The following PCDHA3 variants were observed in gnomAD, a reference collection of about 807,000 sequenced individuals.
PCDHA3 encodes protocadherin alpha 3.
Under a neutral mutation model 62.2 loss-of-function variants are expected in PCDHA3, and 41 were observed. The ratio of observed to expected loss-of-function variants is 0.66; its 90% CI spans 0.51 to 0.86. PCDHA3 has a LOEUF of 0.86. PCDHA3 is among the 40% of genes least tolerant of loss of function. The pLI, the probability that PCDHA3 is intolerant of heterozygous loss-of-function variation, is 0.00. For missense variants in PCDHA3, 1,304 were observed against 1,241.2 expected (o/e 1.05, Z -0.76); for synonymous variants, 640 against 555.4 (o/e 1.15, Z -2.14).
At chr5:140,965,911 G>C (rs1476309026) in intron 1 of PCDHA3, among the ~76,000 whole-genome samples, 1 of 152,206 alleles carries the variant, frequency 6.6e-6, no homozygotes, top group African/African-American at 2.4e-5. Context: ...CCAGGATGCT[G>C]GTTTTAGGCT....
chr5:140,944,451 T>C (rs6878788), intron 1 of PCDHA3, among the ~76,000 whole-genome samples: 8,488 of 152,228 alleles, frequency 0.056, 701 homozygotes, highest in African/African-American at 0.18. Flanking sequence ...CCTCCCAAAG[T>C]GCTGGGATTA....
chr5:140,928,585 G>T, intron 1 of PCDHA3: 1 of 1,614,194 alleles, frequency 6.2e-7, no homozygotes, highest in Non-Finnish European at 8.5e-7. Context: ...AAATGGTTCT[G>T]TCCCAGTGGA....
intron 1 of PCDHA3, chr5:140,843,355 G>T (rs1554139992): frequency 1.9e-6 from 3 of 1,596,010 alleles, no homozygotes; most frequent in Admixed American, 1.7e-5. Context: ...CTCCAAAAGC[G>T]TCATCGAGGC....
chr5:140,972,201 G>A (rs1554233905), intron 1 of PCDHA3, among the ~76,000 whole-genome samples: 1 of 152,058 alleles, frequency 6.6e-6, no homozygotes, highest in African/African-American at 2.4e-5. Flanking sequence ...GAGTATAGGT[G>A]TGAATATGGC....
At chr5:140,979,937 A>G (rs563499415) in intron 2 of PCDHA3, among the ~76,000 whole-genome samples, 1 of 152,388 alleles carries the variant, frequency 6.6e-6, no homozygotes, top group African/African-American at 2.4e-5. Context: ...GTATGTGTAG[A>G]GTTAATGTGA....
intron 1 of PCDHA3, chr5:140,854,088 G>A (rs1262177028): frequency 3.8e-6 from 1 of 266,394 alleles, no homozygotes; most frequent in African/African-American, 2.4e-5. Context: ...CTTGAGCCTG[G>A]GACATTGAGG....
chr5:140,900,831 T>G (rs1554189475), intron 1 of PCDHA3, among the ~76,000 whole-genome samples: 1 of 152,198 alleles, frequency 6.6e-6, no homozygotes, highest in Non-Finnish European at 1.5e-5. Context: ...CCACCAACAA[T>G]GTACAAAGTT....
intron 1 of PCDHA3, chr5:140,969,117 A>C (rs1554231477): frequency 6.2e-7 from 1 of 1,614,178 alleles, no homozygotes; most frequent in Admixed American, 1.7e-5. Flanking sequence ...GTTCGAGGGA[A>C]TGGCTCCCTC....
intron 1 of PCDHA3, chr5:140,814,137 A>C (rs1765440922): frequency 6.5e-6 from 1 of 153,288 alleles, no homozygotes; most frequent in Non-Finnish European, 1.5e-5. Flanking sequence ...CAGCTGTACA[A>C]AAATATTTTC....
intron 1 of PCDHA3, chr5:140,967,968 G>A: frequency 3.1e-6 from 5 of 1,614,218 alleles, no homozygotes; most frequent in Non-Finnish European, 4.2e-6. Flanking sequence ...CGGAAAGTGA[G>A]CCTGGGTCTG....
In PCDHA3 at chr5:140,857,269, G is replaced by T. The variant is rs375802816; in HGVS notation, c.2394+53678G>T. 8.1e-6 allele frequency: 13 copies of T among 1,598,726 alleles called. 1 individual carries two copies. The highest frequency in any genetic ancestry group is 1.1e-5 in the South Asian group (1 of 90,558). On this transcript the variant is annotated intron_variant, in intron 1 of 3. Coordinates refer to ENST00000522353, the MANE Select transcript of PCDHA3 (RefSeq NM_018906.3). ...CCTACAAGAATTACTACTCATTGGT[G>T]CTGGACAGCGCTCTGGACCGCGAGA... is the stretch of plus-strand genomic sequence containing the variant.
chr5:140,984,426 G>A (rs781888913), intron 3 of PCDHA3, among the ~76,000 whole-genome samples: 2 of 152,160 alleles, frequency 1.3e-5, no homozygotes, highest in South Asian at 2.1e-4. Flanking sequence ...AGATAGAGAA[G>A]GGGATCTCCC....
chr5:140,843,337 C>A lies in PCDHA3; in HGVS notation c.2394+39746C>A, dbSNP rs2150357766. On this transcript the variant is annotated intron_variant, in intron 1 of 3. Coordinates refer to ENST00000522353, the MANE Select transcript of PCDHA3 (RefSeq NM_018906.3). ...CGGTTCTGGTGTCGCTGGTGGAGAGCGGCCAGGCTCCAAAAGCGTCATCGA... is the reference window on the plus strand; with the variant it reads ...CGGTTCTGGTGTCGCTGGTGGAGAGAGGCCAGGCTCCAAAAGCGTCATCGA... 16 of 1,596,000 alleles carry A rather than the reference C, an allele frequency of 1.0e-5. 3 individuals carry two copies. Among genetic ancestry groups the A allele is most frequent in the Non-Finnish European group, 1.2e-5 (14 of 1,165,568 alleles).
intron 1 of PCDHA3, chr5:140,968,888 CTAA>C: frequency 6.2e-7 from 1 of 1,614,210 alleles, no homozygotes; most frequent in Non-Finnish European, 8.5e-7. Context: ...TACCCTTTAT[CTAA>C]TAATAGCATT....
At chr5:141,007,395 CAAAAA>C (rs35800918) in intron 3 of PCDHA3, among the ~76,000 whole-genome samples, 1 of 94,866 alleles carries the variant, frequency 1.1e-5, no homozygotes, top group Non-Finnish European at 2.1e-5. Flanking sequence ...TACTAAAATA[CAAAAA>C]AAAAAAAAAA....
At chr5:140,877,417 G>T (rs782190793) in intron 1 of PCDHA3, 5 of 1,613,822 alleles carry the variant, frequency 3.1e-6, no homozygotes, top group Admixed American at 1.7e-5. Context: ...CCGCCTGCTG[G>T]TGCTGGTGAA....
In PCDHA3 at chr5:141,012,204, T is replaced by C. The variant is rs1053312501; in HGVS notation, c.*2267T>C. The C allele has an allele frequency of 1.3e-5, 2 of 153,800 alleles. No homozygotes were observed. Among genetic ancestry groups the C allele is most frequent in the African/African-American group, 4.8e-5 (2 of 41,474 alleles). 9.5% of individuals were successfully genotyped at this position (153,800 alleles called of 1,614,324 possible). On this transcript the variant is annotated 3_prime_UTR_variant, in exon 4 of 4. Transcript: ENST00000522353. ...TATAATGTATCTGTACAGCACTTTT[T>C]ACATTTGCGAAGTGCTTTCCAATCC...
intron 1 of PCDHA3, chr5:140,843,375 G>A: frequency 1.3e-6 from 2 of 1,596,166 alleles, no homozygotes; most frequent in Non-Finnish European, 1.7e-6. Flanking sequence ...CAGTCGGCTG[G>A]CGTTTTGGGT....
chr5:140,836,692 T>C (rs1554136233), intron 1 of PCDHA3: 3 of 1,613,418 alleles, frequency 1.9e-6, no homozygotes, highest in Non-Finnish European at 2.5e-6. Flanking sequence ...ACAGACCTCA[T>C]GGCCTTCAGT....
Sources: gnomAD v4.1 joint callset for allele counts (sites outside exome capture counted in the v4.1 genomes callset) on GRCh38, gnomAD v4.1.1 for gene constraint, MANE v1.5 for transcripts, NCBI Gene and HGNC (gene_info 2026-07-23, HGNC 2026-07-21) for gene names.